SPTBN1: variants seen among roughly 807,000 people sequenced by gnomAD.
The protein encoded by SPTBN1 is spectrin beta chain, non-erythrocytic 1.
In SPTBN1, 32 loss-of-function variants were observed where a neutral mutation model predicts 266.4. The ratio of observed to expected loss-of-function variants is 0.12; its 90% confidence interval spans 0.09 to 0.16. SPTBN1 has a LOEUF of 0.16. Among genes scored for constraint, SPTBN1 ranks in the 10% least tolerant of loss-of-function variants. SPTBN1 has a pLI of 1.00. For synonymous variants in SPTBN1, 1,336 were observed against 1,162.2 expected, an observed-to-expected ratio of 1.15 and a Z score of -3.04; for missense variants, 2,296 against 3,067.1, an observed-to-expected ratio of 0.75 and a Z score of 5.94.
chr2:54,653,403 C>T lies in SPTBN1; in HGVS notation c.5578-206C>T, dbSNP rs1026585013. The T allele has an allele frequency of 1.8e-5, 12 of 672,098 alleles. No homozygotes were observed. Among genetic ancestry groups the T allele is most frequent in the East Asian group, 1.2e-4 (4 of 32,064 alleles). 41.6% of individuals were successfully genotyped at this position (672,098 alleles called of 1,614,324 possible). A position where few individuals can be genotyped will look rare whatever the true frequency, so the allele number is the denominator to read the frequency against. On this transcript the variant is annotated intron_variant, in intron 26 of 35. Coordinates refer to ENST00000356805, the MANE Select transcript of SPTBN1 (RefSeq NM_003128.3). This position sits in a 1 kb window ranked among gnomAD's most constrained non-coding sequence, Gnocchi z 5.1. ...CATTTGTTTTATCATTCATAAAGAA[C>T]TTAATAATGTAGTTGAACAGATTTA... is the stretch of plus-strand genomic sequence containing the variant.
At chr2:54,521,644 G>A (rs1041722735) in intron 1 of SPTBN1, among the ~76,000 whole-genome samples, 6 of 152,060 alleles carry the variant, frequency 3.9e-5, no homozygotes, top group African/African-American at 1.2e-4. Flanking sequence ...CTCCCAAGTA[G>A]CTGGGACTAC....
intron 12 of SPTBN1, among the ~76,000 whole-genome samples, chr2:54,627,571 G>A (rs1299297643): frequency 6.6e-6 from 1 of 152,192 alleles, no homozygotes; most frequent in Non-Finnish European, 1.5e-5. Context: ...TGTAAGTACA[G>A]TAGAGGCATA....
intron 27 of SPTBN1, among the ~76,000 whole-genome samples, 153 bp downstream of exon 27, chr2:54,654,006 T>C (rs1378132673): frequency 6.6e-6 from 1 of 152,200 alleles, no homozygotes; most frequent in Non-Finnish European, 1.5e-5. Context: ...GCGGCACCAC[T>C]GCTTGCCTCG....
intron 1 of SPTBN1, among the ~76,000 whole-genome samples, chr2:54,472,937 C>A (rs1246499434): frequency 2.6e-5 from 4 of 152,122 alleles, no homozygotes; most frequent in African/African-American, 9.7e-5. Flanking sequence ...AGTTTCTATA[C>A]TAAAGGATTT....
intron 1 of SPTBN1, among the ~76,000 whole-genome samples, chr2:54,505,829 T>G (rs575417943): frequency 2.0e-5 from 3 of 152,296 alleles, no homozygotes; most frequent in East Asian, 3.9e-4. Context: ...GGGAACTTTA[T>G]TTTTAAAAAT....
Position 54,646,880 on chromosome 2 carries a change from C to T in SPTBN1, c.4867-251C>T, listed in dbSNP as rs1679958934. On this transcript the variant is annotated intron_variant, in intron 23 of 35. Coordinates refer to ENST00000356805, the MANE Select transcript of SPTBN1 (RefSeq NM_003128.3). This position sits in a 1 kb window ranked among gnomAD's most constrained non-coding sequence, Gnocchi z 4.4. The stretch of plus-strand genomic sequence containing the variant: ...GCGAACCAGGCACACTTGGTCTGCC[C>T]AAGCTTTTCTCTGAGAGGGGCCCTG... Among the ~76,000 whole-genome samples the T allele has an allele frequency of 6.6e-6, 1 of 152,214 alleles. No homozygotes were observed. The highest frequency in any genetic ancestry group is 1.5e-5 in the Non-Finnish European group (1 of 68,046).
At chr2:54,655,342 C>G in intron 28 of SPTBN1, 134 bp downstream of exon 28, 8 of 1,223,676 alleles carry the variant, frequency 6.5e-6, no homozygotes, top group Non-Finnish European at 9.0e-6. Context: ...AAACTCCTTT[C>G]CTGTGCGTCT....
At chr2:54,600,284 C>T (rs1257914763) in intron 3 of SPTBN1, among the ~76,000 whole-genome samples, 2 of 152,192 alleles carry the variant, frequency 1.3e-5, no homozygotes, top group Non-Finnish European at 2.9e-5. Flanking sequence ...AAAGTATTCT[C>T]TTCCCTGCCC....
At chr2:54,667,270 G>A (rs933155130) in intron 34 of SPTBN1, among the ~76,000 whole-genome samples, 1 of 152,206 alleles carries the variant, frequency 6.6e-6, no homozygotes, top group African/African-American at 2.4e-5. Context: ...GCTTTCTCCT[G>A]AACTCAGTTT....
chr2:54,610,583 A>G (rs1677146283), intron 3 of SPTBN1, among the ~76,000 whole-genome samples: 1 of 151,956 alleles, frequency 6.6e-6, no homozygotes, highest in South Asian at 2.1e-4. Context: ...CATTTTCAAT[A>G]TGAGATAAAA....
At chr2:54,663,563 T>C (rs1457631238) in intron 32 of SPTBN1, 1 of 152,182 alleles carries the variant, frequency 6.6e-6, no homozygotes, top group Non-Finnish European at 1.5e-5. Flanking sequence ...CCCGAAGACG[T>C]CTCCAGCCTG....
intron 2 of SPTBN1, among the ~76,000 whole-genome samples, chr2:54,565,273 G>A (rs1378531924): frequency 1.3e-5 from 2 of 152,228 alleles, no homozygotes; most frequent in Non-Finnish European, 2.9e-5. Flanking sequence ...CCAAACAGGA[G>A]CAGGTATTAT....
chr2:54,470,415 G>C (rs2103856144), intron 1 of SPTBN1, among the ~76,000 whole-genome samples: 1 of 152,298 alleles, frequency 6.6e-6, no homozygotes, highest in African/African-American at 2.4e-5. Flanking sequence ...CTGCTTCTCA[G>C]TCTCCTCAAC....
At chr2:54,544,916 T>C (rs1239500814) in intron 2 of SPTBN1, among the ~76,000 whole-genome samples, 2 of 152,148 alleles carry the variant, frequency 1.3e-5, no homozygotes, top group Non-Finnish European at 1.5e-5. Context: ...CCTAATACTA[T>C]CCCTCCACCA....
chr2:54,598,568 A>G (rs1332124170), intron 2 of SPTBN1, among the ~76,000 whole-genome samples: 1 of 152,156 alleles, frequency 6.6e-6, no homozygotes, highest in Non-Finnish European at 1.5e-5. Context: ...TCCTTTGTAG[A>G]TGAGGGAAGC....
chr2:54,502,684 T>G (rs1412272636), intron 1 of SPTBN1, among the ~76,000 whole-genome samples: 1 of 152,212 alleles, frequency 6.6e-6, no homozygotes, highest in Non-Finnish European at 1.5e-5. Context: ...ACTCTGGCTT[T>G]CCTGGGGGTT....
chr2:54,593,835 T>TG (rs1424206004), intron 2 of SPTBN1, among the ~76,000 whole-genome samples: 4 of 132,942 alleles, frequency 3.0e-5, no homozygotes, highest in Non-Finnish European at 6.5e-5. Context: ...TTTTTTTTTT[T>TG]TTTTTTTTTT....
intron 1 of SPTBN1, among the ~76,000 whole-genome samples, chr2:54,457,658 C>T (rs562697679): frequency 1.7e-4 from 26 of 152,298 alleles, no homozygotes; most frequent in African/African-American, 6.0e-4. Context: ...TTCTCGCTGG[C>T]GGGGCTTGGC....
intron 11 of SPTBN1, 95 bp from the exon 12 acceptor site, chr2:54,625,837 C>T (rs1236640260): frequency 2.3e-5 from 31 of 1,376,758 alleles, no homozygotes; most frequent in Admixed American, 1.3e-4. Context: ...GTGATCTGCC[C>T]GCCTCGGCCT....
Sources: gnomAD v4.1 joint callset for allele counts (sites outside exome capture counted in the v4.1 genomes callset) on GRCh38, gnomAD v4.1.1 for gene constraint, Gnocchi (gnomAD v3.1) non-coding constraint, MANE v1.5 for transcripts, NCBI Gene and HGNC (gene_info 2026-07-23, HGNC 2026-07-21) for gene names.